Variants in RABGAP1L observed in about 807,000 individuals in gnomAD.
The protein encoded by RABGAP1L is RAB GTPase activating protein 1 like.
RABGAP1L carries 63 observed loss-of-function variants against 137.7 expected under a neutral mutation model. The ratio of observed to expected loss-of-function variants is 0.46; its 90% CI spans 0.37 to 0.56. RABGAP1L has a LOEUF of 0.56. RABGAP1L is among the 20% of genes least tolerant of loss of function. The pLI, the probability that RABGAP1L is intolerant of heterozygous loss-of-function variation, is 0.00. For missense variants in RABGAP1L, 1,095 were observed against 1,244.0 expected (o/e 0.88, Z 1.80); for synonymous variants, 431 against 433.7 (o/e 0.99, Z 0.08).
chr1:174,687,827 T>C (rs1678593470), intron 15 of RABGAP1L, among the ~76,000 whole-genome samples: 1 of 152,210 alleles, frequency 6.6e-6, no homozygotes. Context: ...TTCACATTCA[T>C]TGCCTGAGAA....
intron 7 of RABGAP1L, among the ~76,000 whole-genome samples, chr1:174,261,961 A>G (rs536186307): frequency 6.6e-6 from 1 of 152,232 alleles, no homozygotes; most frequent in African/African-American, 2.4e-5. Flanking sequence ...GGGATGACCC[A>G]TATTCTGCAT....
chr1:174,953,853 G>A (rs1324131768), intron 19 of RABGAP1L, among the ~76,000 whole-genome samples: 1 of 152,212 alleles, frequency 6.6e-6, no homozygotes, highest in Non-Finnish European at 1.5e-5. Flanking sequence ...GGGGAGAATA[G>A]CTGAAGGCAG....
chr1:174,217,209 C>T (rs1054314862), intron 1 of RABGAP1L, among the ~76,000 whole-genome samples: 4 of 152,032 alleles, frequency 2.6e-5, no homozygotes, highest in Admixed American at 6.6e-5. Flanking sequence ...AATGGCAAAT[C>T]GGGACTGGAA....
chr1:174,569,273 ATT>A (rs773259930), intron 13 of RABGAP1L, among the ~76,000 whole-genome samples: 4 of 152,154 alleles, frequency 2.6e-5, no homozygotes, highest in Non-Finnish European at 2.9e-5. Flanking sequence ...GTTGTGAATA[ATT>A]TTGGAGAACT....
chr1:174,955,549 G>T (rs952625383), intron 19 of RABGAP1L, among the ~76,000 whole-genome samples: 4 of 152,136 alleles, frequency 2.6e-5, no homozygotes, highest in African/African-American at 7.2e-5. Context: ...CATGCTAGAT[G>T]CTTTCCATTC....
chr1:174,195,222 C>T (rs1165126347), intron 1 of RABGAP1L, among the ~76,000 whole-genome samples: 5 of 152,142 alleles, frequency 3.3e-5, no homozygotes, highest in African/African-American at 1.2e-4. Context: ...TTTAGTTTTC[C>T]AGAGGAAAGG....
intron 13 of RABGAP1L, among the ~76,000 whole-genome samples, chr1:174,504,453 G>A (rs1661632111): frequency 6.7e-6 from 1 of 149,534 alleles, no homozygotes; most frequent in South Asian, 2.1e-4. Flanking sequence ...AAAGCTGGAA[G>A]CATAACACAA....
chr1:174,171,678 T>C (rs1459808698), intron 1 of RABGAP1L, among the ~76,000 whole-genome samples: 1 of 150,590 alleles, frequency 6.6e-6, no homozygotes, highest in Non-Finnish European at 1.5e-5. Flanking sequence ...TATACTCTTG[T>C]TTCTGCGTAT....
rs58721848 is a variant in RABGAP1L at position 174,685,551 on chromosome 1, C to CTTTATTTATTTATTTATTTA, written c.1899+1968_1899+1987dup. On this transcript the variant is annotated intron_variant, in intron 15 of 25. Coordinates refer to ENST00000681986, the MANE Select transcript of RABGAP1L (RefSeq NM_001366446.1). ...TACAGGCGTGAGCCACCGCGCCGGC[C>CTTTATTTATTTATTTATTTA]TTTATTTATTTATTTATTTATTTAT... Among the ~76,000 whole-genome samples, 780 of 145,054 alleles carry CTTTATTTATTTATTTATTTA rather than the reference C, an allele frequency of 5.4e-3. 4 individuals are homozygous for CTTTATTTATTTATTTATTTA. The highest frequency in any genetic ancestry group is 4.8e-3 in the African/African-American group (185 of 38,396).
intron 17 of RABGAP1L, among the ~76,000 whole-genome samples, chr1:174,708,473 G>C (rs1004186824): frequency 2.6e-5 from 4 of 152,170 alleles, no homozygotes; most frequent in African/African-American, 9.7e-5. Flanking sequence ...TGGTTAGACA[G>C]TGGGTGCAGC....
chr1:174,347,006 A>G (rs1185882023), intron 11 of RABGAP1L, among the ~76,000 whole-genome samples: 35 of 152,114 alleles, frequency 2.3e-4, no homozygotes, highest in Admixed American at 2.3e-3. Flanking sequence ...GAAGTTGTCT[A>G]ATTTCCATGT....
At chr1:174,417,068 T>C (rs1398294395) in intron 13 of RABGAP1L, among the ~76,000 whole-genome samples, 1 of 152,184 alleles carries the variant, frequency 6.6e-6, no homozygotes, top group African/African-American at 2.4e-5. Context: ...AGGAAGGTTT[T>C]TGGCATTACT....
At chr1:174,361,985 C>T (rs1466191216) in intron 11 of RABGAP1L, among the ~76,000 whole-genome samples, 2 of 152,206 alleles carry the variant, frequency 1.3e-5, no homozygotes, top group Admixed American at 6.5e-5. Flanking sequence ...CTCTGTGTGC[C>T]CATGTGTTCT....
At chr1:174,265,044 C>G (rs972165622) in intron 7 of RABGAP1L, among the ~76,000 whole-genome samples, 1 of 152,158 alleles carries the variant, frequency 6.6e-6, no homozygotes, top group Admixed American at 6.5e-5. Context: ...CAGTAGCCTG[C>G]AAAATGAGCC....
intron 11 of RABGAP1L, among the ~76,000 whole-genome samples, chr1:174,363,869 A>G (rs1435096239): frequency 6.6e-6 from 1 of 151,254 alleles, no homozygotes; most frequent in African/African-American, 2.4e-5. Context: ...CATATGTCAA[A>G]CCATTCTTAC....
intron 20 of RABGAP1L, among the ~76,000 whole-genome samples, chr1:174,963,014 T>C (rs1669302916): frequency 6.6e-6 from 1 of 151,880 alleles, no homozygotes; most frequent in Non-Finnish European, 1.5e-5. Flanking sequence ...CAGGAGAACC[T>C]CTTGAACCTG....
At chr1:174,539,147 C>A (rs932210901) in intron 13 of RABGAP1L, among the ~76,000 whole-genome samples, 3 of 152,110 alleles carry the variant, frequency 2.0e-5, no homozygotes, top group African/African-American at 7.2e-5. Flanking sequence ...ATAGTAAATA[C>A]ATATTTATTA....
intron 13 of RABGAP1L, among the ~76,000 whole-genome samples, chr1:174,425,840 C>T (rs576241232): frequency 6.6e-6 from 1 of 152,026 alleles, no homozygotes; most frequent in South Asian, 2.1e-4. Context: ...GTAAATGGTT[C>T]TTCTGAAAAT....
chr1:174,554,457 G>T (rs1348465246), intron 13 of RABGAP1L, among the ~76,000 whole-genome samples: 1 of 152,066 alleles, frequency 6.6e-6, no homozygotes, highest in African/African-American at 2.4e-5. Context: ...AATAATCTTA[G>T]TGTGTCTGTG....
Sources: allele counts gnomAD v4.1 joint callset (sites outside exome capture counted in the v4.1 genomes callset), GRCh38; gene constraint gnomAD v4.1.1; transcripts MANE v1.5; gene names NCBI Gene and HGNC (gene_info 2026-07-23, HGNC 2026-07-21).